Variants in PRKG1 observed in about 807,000 individuals in gnomAD.
PRKG1 encodes protein kinase cGMP-dependent 1.
Under a neutral mutation model 88.1 loss-of-function variants are expected in PRKG1, and 35 were observed. The observed-to-expected ratio is 0.40, with a 90% CI of 0.30 to 0.53. The LOEUF (loss-of-function observed/expected upper bound fraction) is 0.53. Among genes scored for constraint, PRKG1 ranks in the 20% least tolerant of loss-of-function variants. The pLI is 0.59. For synonymous variants in PRKG1, 303 were observed against 292.5 expected, an observed-to-expected ratio of 1.04 and a Z score of -0.37; for missense variants, 540 against 839.8, an observed-to-expected ratio of 0.64 and a Z score of 4.41.
chr10:52,011,156 G>A (rs1413544470), intron 5 of PRKG1, among the ~76,000 whole-genome samples: 1 of 152,188 alleles, frequency 6.6e-6, no homozygotes, highest in Non-Finnish European at 1.5e-5. Flanking sequence ...GGTTAGGTAG[G>A]CCAAACAGCC....
chr10:51,923,833 T>C (rs1401485177), intron 5 of PRKG1, among the ~76,000 whole-genome samples: 8 of 151,988 alleles, frequency 5.3e-5, no homozygotes. Flanking sequence ...CCTTTTCTAA[T>C]GCTTTTTTTT....
intron 1 of PRKG1, among the ~76,000 whole-genome samples, chr10:51,033,598 AAT>A (rs1298756462): frequency 6.6e-6 from 1 of 152,200 alleles, no homozygotes. Flanking sequence ...GTATCCAATA[AAT>A]ATGTGTTGTA....
At chr10:51,766,102 C>T (rs1219095772) in intron 3 of PRKG1, among the ~76,000 whole-genome samples, 1 of 151,684 alleles carries the variant, frequency 6.6e-6, no homozygotes, top group Non-Finnish European at 1.5e-5. Context: ...TGTCTCATGG[C>T]CAAAAAAATT....
chr10:51,823,693 T>C (rs1176572364), intron 4 of PRKG1, among the ~76,000 whole-genome samples: 3 of 152,072 alleles, frequency 2.0e-5, no homozygotes, highest in South Asian at 2.1e-4. Flanking sequence ...CTATGCATTT[T>C]TTAGGTTTCC....
chr10:51,503,368 C>G (rs758949523), intron 3 of PRKG1, among the ~76,000 whole-genome samples: 5 of 152,110 alleles, frequency 3.3e-5, no homozygotes, highest in Non-Finnish European at 5.9e-5. Context: ...TCAATGAAAT[C>G]CTAGGTGACA....
chr10:52,282,700 A>G (rs1039405760), intron 14 of PRKG1, among the ~76,000 whole-genome samples: 1 of 152,152 alleles, frequency 6.6e-6, no homozygotes, highest in Admixed American at 6.6e-5. Flanking sequence ...AGCAACTGTT[A>G]TATCTAAATG....
intron 2 of PRKG1, among the ~76,000 whole-genome samples, chr10:51,233,894 G>A (rs549183381): frequency 1.3e-5 from 2 of 152,206 alleles, no homozygotes; most frequent in Admixed American, 6.5e-5. Flanking sequence ...TGACTCTCAG[G>A]TGTCTTGTTA....
chr10:51,334,999 C>CTTTTTTTTTT (rs918622780), intron 2 of PRKG1, among the ~76,000 whole-genome samples: 3 of 78,746 alleles, frequency 3.8e-5, no homozygotes, highest in African/African-American at 1.5e-4. Flanking sequence ...TGTCAGGTTT[C>CTTTTTTTTTT]TTTTTTTTTT....
intron 3 of PRKG1, among the ~76,000 whole-genome samples, chr10:51,777,614 C>T (rs1294246578): frequency 1.3e-5 from 2 of 152,114 alleles, no homozygotes; most frequent in Non-Finnish European, 2.9e-5. Flanking sequence ...CCTACATTGA[C>T]ACATCATTAT....
At chr10:52,076,299 G>T (rs748888409) in intron 7 of PRKG1, among the ~76,000 whole-genome samples, 1 of 152,240 alleles carries the variant, frequency 6.6e-6, no homozygotes, top group Non-Finnish European at 1.5e-5. Context: ...GCTCACGCCC[G>T]TAGTCCCAGC....
chr10:51,710,601 A>G (rs1441844138), intron 3 of PRKG1, among the ~76,000 whole-genome samples: 1 of 152,254 alleles, frequency 6.6e-6, no homozygotes, highest in East Asian at 1.9e-4. Flanking sequence ...TTTCACGACC[A>G]GAGTTCTTAA....
chr10:51,335,899 G>A (rs964017992), intron 2 of PRKG1, among the ~76,000 whole-genome samples: 2 of 152,184 alleles, frequency 1.3e-5, no homozygotes, highest in African/African-American at 4.8e-5. Flanking sequence ...GAATCCCTTT[G>A]TGAAAGTCAA....
intron 3 of PRKG1, among the ~76,000 whole-genome samples, chr10:51,718,482 GGATTTTCTTCTTA>G: frequency 6.6e-6 from 1 of 152,198 alleles, no homozygotes; most frequent in South Asian, 2.1e-4. Context: ...TAAGGAGTTT[GGATTTTCTTCTTA>G]GATTTTCTTC....
Position 52,288,765 on chromosome 10 carries a change from C to T in PRKG1, c.1749C>T (p.Asn583=), listed in dbSNP as rs765040798. ...FSGPDPMKTY[N]IILRGIDMIE... Reference sequence around the variant, plus strand: ...GCCCAGATCCTATGAAAACCTATAACATCATATTGAGGGGGATTGACATGA... The same window carrying T: ...GCCCAGATCCTATGAAAACCTATAATATCATATTGAGGGGGATTGACATGA... Residue 583 remains asparagine, a synonymous_variant, in exon 15 of 18, where the codon AAC becomes AAT. Coordinates refer to ENST00000373980, the MANE Select transcript of PRKG1 (RefSeq NM_006258.4). 8.6e-5 allele frequency: 137 copies of T among 1,601,132 alleles called. No homozygotes were observed. The highest frequency in any genetic ancestry group is 1.1e-4 in the Non-Finnish European group (129 of 1,176,104).
At chr10:51,643,922 C>T (rs188382805) in intron 3 of PRKG1, among the ~76,000 whole-genome samples, 1 of 152,134 alleles carries the variant, frequency 6.6e-6, no homozygotes, top group Admixed American at 6.6e-5. Flanking sequence ...ACTAATCCTG[C>T]CCCATCCACG....
intron 3 of PRKG1, among the ~76,000 whole-genome samples, chr10:51,521,276 C>T (rs999210030): frequency 1.3e-5 from 2 of 152,040 alleles, no homozygotes; most frequent in Non-Finnish European, 2.9e-5. Flanking sequence ...GGTGACAGAG[C>T]GAGACTCTGT....
At chr10:51,746,106 C>T (rs1401404689) in intron 3 of PRKG1, among the ~76,000 whole-genome samples, 1 of 152,120 alleles carries the variant, frequency 6.6e-6, no homozygotes, top group Non-Finnish European at 1.5e-5. Flanking sequence ...GCCTTAGCCT[C>T]CCAAAGTGCT....
chr10:51,615,091 C>T (rs906164701), intron 3 of PRKG1, among the ~76,000 whole-genome samples: 5 of 139,982 alleles, frequency 3.6e-5, no homozygotes, highest in African/African-American at 1.3e-4. Flanking sequence ...TTGAATATAT[C>T]CATCTTTGAA....
rs1466670458 is a variant in PRKG1, at chr10:51,804,635, A to G, written c.643A>G (p.Ile215Val). ...CATTGATCGACAATGTTTTCAAACA[A>G]TAATGATGAGGACAGGACTCATCAA... ...WAIDRQCFQT[I>V]MMRTGLIKHT... The change falls in exon 4 of 18, where the codon ATA becomes GTA. Residue 215 changes from isoleucine to valine, a missense_variant. Physicochemically the swap from Ile to Val is conservative, Grantham distance 29. This residue lies in a region of PRKG1 where 400 missense variants were observed against 562.7 expected (regional missense o/e 0.71). Transcript: ENST00000373980. The G allele has an allele frequency of 1.9e-6, 3 of 1,604,992 alleles. No homozygotes were observed. The highest frequency in any genetic ancestry group is 1.3e-5 in the African/African-American group (1 of 74,798).
Sources: allele counts gnomAD v4.1 joint callset (sites outside exome capture counted in the v4.1 genomes callset), GRCh38; gene constraint gnomAD v4.1.1; regional missense constraint gnomAD v4.1.1; transcripts MANE v1.5; gene names NCBI Gene and HGNC (gene_info 2026-07-23, HGNC 2026-07-21).